MOK: variants seen among roughly 807,000 people sequenced by gnomAD.
The protein encoded by MOK is MAPK/MAK/MRK overlapping kinase.
MOK carries 59 observed loss-of-function variants against 54.2 expected under a neutral mutation model. That is an observed-to-expected ratio of 1.09 (90% CI 0.88 to 1.35). The LOEUF is 1.35. Ranked by LOEUF, MOK falls within the 40% of genes most tolerant of loss-of-function variation. The probability of loss-of-function intolerance (pLI) is 0.00; values close to 1 mark genes in which losing one functional copy is unlikely to be tolerated. For synonymous variants in MOK, 210 were observed against 202.7 expected (o/e 1.04, Z -0.31); for missense variants, 517 against 526.2 (o/e 0.98, Z 0.17).
downstream of MOK, chr14:102,222,759 C>T (rs1185104377): frequency 1.1e-5 from 17 of 1,565,660 alleles, no homozygotes; most frequent in East Asian, 2.0e-4. The surrounding 1 kb of genome is among the most constrained non-coding windows in gnomAD (Gnocchi z 4.4). Context: ...GAGCTGCTGG[C>T]GGAGGGCGCG....
intron 1 of MOK, among the ~76,000 whole-genome samples, chr14:102,287,235 G>A (rs147073210): frequency 0.018 from 2,749 of 152,250 alleles, 92 homozygotes; most frequent in African/African-American, 0.063. Context: ...TTGGGAAGCC[G>A]AAGCAGGCAG....
chr14:102,294,224 A>G (rs1420522541), intron 1 of MOK, among the ~76,000 whole-genome samples: 1 of 150,770 alleles, frequency 6.6e-6, no homozygotes, highest in African/African-American at 2.5e-5. Context: ...AGGCGGGCGG[A>G]TCACGAGGTC....
intron 1 of MOK, among the ~76,000 whole-genome samples, chr14:102,297,025 T>C (rs1597629689): frequency 6.6e-6 from 1 of 151,756 alleles, no homozygotes; most frequent in African/African-American, 2.4e-5. Flanking sequence ...ACCACTGCAC[T>C]CCAGCCTGGG....
the MOK span, among the ~76,000 whole-genome samples, chr14:102,217,634 G>A: frequency 4.8e-3 from 725 of 151,722 alleles, 2 homozygotes; most frequent in African/African-American, 0.017. Flanking sequence ...CGGCTCTGTG[G>A]CTCACGTGCC....
At chr14:102,215,875 A>C in the MOK span, among the ~76,000 whole-genome samples, 1 of 152,158 alleles carries the variant, frequency 6.6e-6, no homozygotes, top group Non-Finnish European at 1.5e-5. Context: ...TTGACAGACG[A>C]CGTAGCTGAT....
chr14:102,300,036 C>A (rs770640680), intron 1 of MOK, among the ~76,000 whole-genome samples: 2 of 151,786 alleles, frequency 1.3e-5, no homozygotes, highest in Non-Finnish European at 2.9e-5. Context: ...AAAACTTAAG[C>A]CGGGGAGCCG....
chr14:102,244,276 C>T (rs1295615143), intron 7 of MOK, among the ~76,000 whole-genome samples: 2 of 152,126 alleles, frequency 1.3e-5, no homozygotes, highest in Non-Finnish European at 2.9e-5. Flanking sequence ...TCCTTCTCAT[C>T]GGTCACTCCC....
chr14:102,268,048 C>G (rs1356365297), intron 2 of MOK, among the ~76,000 whole-genome samples: 1 of 151,960 alleles, frequency 6.6e-6, no homozygotes, highest in Non-Finnish European at 1.5e-5. Context: ...AACAAGCTAG[C>G]AGTAGTTCCA....
intron 2 of MOK, chr14:102,278,570 C>T (rs920207955): frequency 2.3e-5 from 10 of 427,784 alleles, no homozygotes; most frequent in African/African-American, 1.2e-4. Context: ...CTGGGAAGAA[C>T]GGTGGGAAGA....
chr14:102,290,601 T>C (rs945561633), intron 1 of MOK, among the ~76,000 whole-genome samples: 1 of 152,186 alleles, frequency 6.6e-6, no homozygotes, highest in Admixed American at 6.5e-5. Flanking sequence ...GTCTGTGTTA[T>C]GAGCAAAAGA....
chr14:102,229,210 G>T lies in MOK; in HGVS notation c.*79C>A. ...AGGCGCATCCCCAGCCCTCCGTGGC[G>T]TCTCAGCAGCAGATCACCCAGGCCT... On this transcript the variant is annotated 3_prime_UTR_variant, in exon 12 of 12. Coordinates refer to ENST00000361847, the MANE Select transcript of MOK (RefSeq NM_014226.3). 7.1e-7 allele frequency: 1 copy of T among 1,417,764 alleles called. No individual in the cohort carries two copies. Among genetic ancestry groups the T allele is most frequent in the African/African-American group, 1.4e-5 (1 of 69,864 alleles). The allele number at this position is 1,417,764 out of a possible 1,614,324, so 87.8% of individuals were successfully genotyped here. A position where few individuals can be genotyped will look rare whatever the true frequency, so the allele number is the denominator to read the frequency against.
downstream of MOK, among the ~76,000 whole-genome samples, chr14:102,221,071 C>T (rs550768944): frequency 3.9e-5 from 6 of 152,336 alleles, no homozygotes; most frequent in African/African-American, 1.2e-4. This position sits in a 1 kb window ranked among gnomAD's most constrained non-coding sequence, Gnocchi z 4.8. Context: ...AACGTGCTCC[C>T]GGGAAGCTAA....
intron 1 of MOK, among the ~76,000 whole-genome samples, chr14:102,290,570 CAG>C (rs2070666214): frequency 6.6e-6 from 1 of 152,132 alleles, no homozygotes; most frequent in African/African-American, 2.4e-5. Context: ...CAGCCTGAGA[CAG>C]AGCCAAGTGT....
downstream of MOK, among the ~76,000 whole-genome samples, chr14:102,224,098 G>C (rs181053931): frequency 1.4e-5 from 2 of 145,060 alleles, no homozygotes; most frequent in African/African-American, 2.6e-5. Context: ...CTGGAGTGCA[G>C]TGGCGCAATC....
intron 11 of MOK, 22 bp from the exon 12 acceptor site, chr14:102,229,388 C>A (rs867478796): frequency 6.2e-7 from 1 of 1,614,194 alleles, no homozygotes; most frequent in Non-Finnish European, 8.5e-7. Flanking sequence ...AAATTACAGA[C>A]ACAAAATTCA....
chr14:102,222,321 C>T (rs1343500179), downstream of MOK, among the ~76,000 whole-genome samples: 5 of 152,226 alleles, frequency 3.3e-5, no homozygotes, highest in South Asian at 8.3e-4. This position sits in a 1 kb window ranked among gnomAD's most constrained non-coding sequence, Gnocchi z 4.4. Context: ...GGGGGTGCCA[C>T]GGTCACACCA....
chr14:102,258,639 C>T (rs1472960757), intron 4 of MOK, among the ~76,000 whole-genome samples: 1 of 152,234 alleles, frequency 6.6e-6, no homozygotes, highest in Non-Finnish European at 1.5e-5. Flanking sequence ...TACCACTCCT[C>T]CAGGAAAGCC....
intron 7 of MOK, among the ~76,000 whole-genome samples, chr14:102,248,086 C>A (rs1035947968): frequency 6.6e-6 from 1 of 152,240 alleles, no homozygotes; most frequent in Non-Finnish European, 1.5e-5. Context: ...ATAACCATCA[C>A]CCCTTCCCAG....
At chr14:102,251,492 C>A in intron 6 of MOK, 1 of 539,806 alleles carries the variant, frequency 1.9e-6, no homozygotes, top group Non-Finnish European at 3.5e-6. Context: ...AAGGTTTGAA[C>A]GGCCGTCTGA....
Sources: allele counts gnomAD v4.1 joint callset (sites outside exome capture counted in the v4.1 genomes callset), GRCh38; gene constraint gnomAD v4.1.1; non-coding constraint Gnocchi (gnomAD v3.1); transcripts MANE v1.5; gene names NCBI Gene and HGNC (gene_info 2026-07-23, HGNC 2026-07-21).